Variants in MITF observed in about 807,000 individuals in gnomAD.
The protein encoded by MITF is microphthalmia-associated transcription factor.
A neutral mutation model predicts 60.5 loss-of-function variants in MITF; 17 were observed. That is an observed-to-expected ratio of 0.28 (90% confidence interval 0.19 to 0.42). The LOEUF (loss-of-function observed/expected upper bound fraction) is 0.42, where lower values mean the gene tolerates loss of function less well. Among genes scored for constraint, MITF ranks in the 10% least tolerant of loss-of-function variants. The pLI is 1.00. For missense variants in MITF, 622 were observed against 683.5 expected (o/e 0.91, Z 1.00); for synonymous variants, 260 against 248.5 (o/e 1.05, Z -0.43).
At chr3:69,893,649 G>C (rs1428035768) in intron 2 of MITF, among the ~76,000 whole-genome samples, 1 of 152,166 alleles carries the variant, frequency 6.6e-6, no homozygotes, top group East Asian at 1.9e-4. Flanking sequence ...TTTGGTAAAA[G>C]ATTAGGAAAG....
At chr3:69,746,725 G>A (rs1703740907) in intron 1 of MITF, among the ~76,000 whole-genome samples, 2 of 152,198 alleles carry the variant, frequency 1.3e-5, no homozygotes, top group Non-Finnish European at 2.9e-5. Context: ...GAAGGTTTTT[G>A]TGAGTCTAGT....
At chr3:69,868,030 G>A (rs2064150269) in intron 1 of MITF, among the ~76,000 whole-genome samples, 1 of 152,150 alleles carries the variant, frequency 6.6e-6, no homozygotes, top group Non-Finnish European at 1.5e-5. Context: ...GAACATGATA[G>A]CAGAAGGCAG....
At chr3:69,814,496 T>C (rs2063150334) in intron 1 of MITF, among the ~76,000 whole-genome samples, 1 of 152,130 alleles carries the variant, frequency 6.6e-6, no homozygotes, top group Non-Finnish European at 1.5e-5. Context: ...GCCTGGCTAA[T>C]TTTTTAATGT....
chr3:69,785,035 ATTT>A (rs35217879), intron 1 of MITF, among the ~76,000 whole-genome samples: 1 of 139,622 alleles, frequency 7.2e-6, no homozygotes. Context: ...CTGCAGTTGG[ATTT>A]TTTTTTTTTT....
intron 6 of MITF, among the ~76,000 whole-genome samples, chr3:69,951,115 T>TTTG (rs1253011212): frequency 1.4e-5 from 2 of 148,116 alleles, no homozygotes; most frequent in African/African-American, 2.5e-5. Flanking sequence ...TTTTTTTTTT[T>TTTG]GAGACAGGGT....
chr3:69,808,466 A>G (rs1014909241), intron 1 of MITF, among the ~76,000 whole-genome samples: 2 of 152,142 alleles, frequency 1.3e-5, no homozygotes, highest in Non-Finnish European at 2.9e-5. Context: ...CAATAATCAG[A>G]TAGTGAATAC....
At chr3:69,857,214 TTG>T (rs1043998542) in intron 1 of MITF, among the ~76,000 whole-genome samples, 1 of 152,072 alleles carries the variant, frequency 6.6e-6, no homozygotes, top group Non-Finnish European at 1.5e-5. Context: ...TAGTTTGCTT[TTG>T]TGTTCATTGG....
At chr3:69,745,031 A>G (rs915759985) in intron 1 of MITF, among the ~76,000 whole-genome samples, 1 of 152,150 alleles carries the variant, frequency 6.6e-6, no homozygotes, top group Admixed American at 6.5e-5. Context: ...ATCTTTGTGA[A>G]ATCTGCATGA....
chr3:69,812,169 A>G (rs1483339120), intron 1 of MITF, among the ~76,000 whole-genome samples: 1 of 152,174 alleles, frequency 6.6e-6, no homozygotes, highest in Non-Finnish European at 1.5e-5. Flanking sequence ...GATGTTGTGG[A>G]AAGAATGAAG....
chr3:69,836,654 G>A (rs1012341424), intron 1 of MITF, among the ~76,000 whole-genome samples: 4 of 152,206 alleles, frequency 2.6e-5, no homozygotes, highest in Non-Finnish European at 5.9e-5. Flanking sequence ...TGTGGGTCCA[G>A]AGCCAGTTAG....
chr3:69,782,378 C>T (rs2062579896), intron 1 of MITF, among the ~76,000 whole-genome samples: 2 of 152,188 alleles, frequency 1.3e-5, no homozygotes, highest in Non-Finnish European at 2.9e-5. Flanking sequence ...ATAATAGTAG[C>T]TAACATTTAT....
chr3:69,819,799 T>TA (rs1196053561), intron 1 of MITF, among the ~76,000 whole-genome samples: 2 of 151,724 alleles, frequency 1.3e-5, no homozygotes, highest in Non-Finnish European at 2.9e-5. Context: ...TCGTCTCTAC[T>TA]AAAAAAAAGT....
chr3:69,768,472 A>G (rs985925739), intron 1 of MITF, among the ~76,000 whole-genome samples: 1 of 152,138 alleles, frequency 6.6e-6, no homozygotes, highest in Non-Finnish European at 1.5e-5. Flanking sequence ...ATCTTCTCAT[A>G]TTTTCTGAAC....
intron 2 of MITF, among the ~76,000 whole-genome samples, chr3:69,923,378 T>C (rs1326195538): frequency 6.6e-6 from 1 of 152,246 alleles, no homozygotes; most frequent in Non-Finnish European, 1.5e-5. Context: ...GGAGTCTTGC[T>C]CTGTCACCTA....
rs1232205469 is a variant in MITF at position 69,966,626 on chromosome 3, TAACAAG to T, written c.*1381_*1386del. On this transcript the variant is annotated 3_prime_UTR_variant, in exon 10 of 10. Transcript: ENST00000352241. Reference sequence around the variant, plus strand: ...TTACTGTTACTTGATAACAATGTTTTAACAAGAAGCAATGTTATAAAGTTAGTTTCA... The same window carrying T: ...TTACTGTTACTTGATAACAATGTTTTAAGCAATGTTATAAAGTTAGTTTCA... 5 of 233,076 alleles carry T rather than the reference TAACAAG, an allele frequency of 2.1e-5. No individual in the cohort carries two copies. Among genetic ancestry groups the T allele is most frequent in the South Asian group, 3.6e-4 (2 of 5,528 alleles). The allele number at this position is 233,076 out of a possible 1,614,324, so 14.4% of individuals were successfully genotyped here.
intron 2 of MITF, among the ~76,000 whole-genome samples, chr3:69,906,723 T>G (rs577702408): frequency 6.6e-6 from 1 of 152,264 alleles, no homozygotes; most frequent in South Asian, 2.1e-4. Context: ...AATTAAACCC[T>G]GGTAGATTCT....
At chr3:69,946,445 C>A in intron 5 of MITF, among the ~76,000 whole-genome samples, 1 of 152,124 alleles carries the variant, frequency 6.6e-6, no homozygotes, top group East Asian at 1.9e-4. Context: ...CTCTCCCCAC[C>A]CCCAGTTCTG....
In MITF at chr3:69,965,183, G is replaced by C. The variant is rs531830542; in HGVS notation, c.1516G>C (p.Gly506Arg). Residue 506 changes from glycine (G) to arginine (R), a missense_variant, in exon 10 of 10, where the codon GGA (glycine) becomes CGA (arginine). Gly to Arg is a moderately radical substitution (Grantham distance 125, BLOSUM62 -2). Around this residue, in one of 5 missense-constraint regions of MITF, gnomAD observed 224 missense variants for 209.5 expected, o/e 1.07. Coordinates refer to ENST00000352241, the MANE Select transcript of MITF (RefSeq NM_001354604.2). ...TDPLLSSVSPGASKTSSRRSS... is the reference protein window; with the variant it reads ...TDPLLSSVSPRASKTSSRRSS... ...TCCACTCCTTTCCTCAGTGTCCCCC[G>C]GAGCTTCCAAAACAAGCAGCCGGAG... is the stretch of plus-strand genomic sequence containing the variant. The C allele has an allele frequency of 1.8e-5, 29 of 1,613,554 alleles. No homozygotes were observed. Among genetic ancestry groups the C allele is most frequent in the Admixed American group, 1.7e-4 (10 of 59,986 alleles).
At chr3:69,900,552 A>T (rs578123302) in intron 2 of MITF, among the ~76,000 whole-genome samples, 1 of 152,116 alleles carries the variant, frequency 6.6e-6, no homozygotes, top group African/African-American at 2.4e-5. Context: ...CACTTGGCAA[A>T]CCAGTGACCT....
Sources: allele counts gnomAD v4.1 joint callset (sites outside exome capture counted in the v4.1 genomes callset), GRCh38; gene constraint gnomAD v4.1.1; regional missense constraint gnomAD v4.1.1; transcripts MANE v1.5; gene names NCBI Gene and HGNC (gene_info 2026-07-23, HGNC 2026-07-21).